EBF1: variants seen among roughly 807,000 people sequenced by gnomAD.
EBF1 encodes the protein EBF transcription factor 1.
A neutral mutation model predicts 68.4 loss-of-function variants in EBF1; 10 were observed. That is an observed-to-expected ratio of 0.15 (90% CI 0.09 to 0.25). The LOEUF is 0.25. EBF1 is among the 10% of genes least tolerant of loss of function. The pLI is 1.00. For missense variants in EBF1, 509 were observed against 794.4 expected, an observed-to-expected ratio of 0.64 and a Z score of 4.32; for synonymous variants, 298 against 299.8, an observed-to-expected ratio of 0.99 and a Z score of 0.06.
At chr5:158,820,704 T>C (rs1784654079) in intron 8 of EBF1, among the ~76,000 whole-genome samples, 1 of 152,190 alleles carries the variant, frequency 6.6e-6, no homozygotes, top group Non-Finnish European at 1.5e-5. Flanking sequence ...AATGTCACCA[T>C]TTTTTGAAAA....
rs573515331 is a variant in EBF1, at chr5:158,748,758, C to T, written c.1037-17601G>A. Among the ~76,000 whole-genome samples, 10 of 152,246 alleles carry T rather than the reference C, an allele frequency of 6.6e-5. No individual in the cohort carries two copies. In the South Asian group the frequency reaches 8.3e-4, roughly 13 times the overall value. On this transcript the variant is annotated intron_variant, in intron 10 of 15. Coordinates refer to ENST00000313708, the MANE Select transcript of EBF1 (RefSeq NM_024007.5). ...AATTGACGTCCTCCCATCACTGCTC[C>T]GAGTCAGTGGCAAAGGAATCACAAA...
intron 6 of EBF1, among the ~76,000 whole-genome samples, chr5:158,921,401 A>C (rs1808405313): frequency 6.6e-6 from 1 of 152,244 alleles, no homozygotes; most frequent in Non-Finnish European, 1.5e-5. Flanking sequence ...ACTGAAAATA[A>C]TTAATGCCCT....
intron 10 of EBF1, among the ~76,000 whole-genome samples, chr5:158,762,016 G>A (rs556493872): frequency 2.0e-5 from 3 of 152,124 alleles, no homozygotes; most frequent in Non-Finnish European, 4.4e-5. Flanking sequence ...AAAATGGGGA[G>A]TACTTTATTC....
At chr5:159,073,257 C>G in intron 6 of EBF1, 139 bp downstream of exon 6, 1 of 767,568 alleles carries the variant, frequency 1.3e-6, no homozygotes, top group Non-Finnish European at 2.1e-6. Context: ...GAATCAAAAT[C>G]GCTCAGCACA....
intron 8 of EBF1, among the ~76,000 whole-genome samples, chr5:158,797,373 G>A (rs1779780417): frequency 6.6e-6 from 1 of 152,070 alleles, no homozygotes; most frequent in Admixed American, 6.5e-5. Flanking sequence ...TGCCACTGAG[G>A]GTTTTTAACT....
At chr5:158,709,909 T>G (rs1281476913) in intron 14 of EBF1, among the ~76,000 whole-genome samples, 1 of 152,136 alleles carries the variant, frequency 6.6e-6, no homozygotes, top group East Asian at 1.9e-4. Flanking sequence ...GCAAATGTGA[T>G]CATTATGTGT....
intron 6 of EBF1, among the ~76,000 whole-genome samples, chr5:158,903,484 G>C (rs1803889735): frequency 6.6e-6 from 1 of 152,152 alleles, no homozygotes; most frequent in African/African-American, 2.4e-5. Context: ...GGCACCAGCA[G>C]TGGGGTGCCC....
At chr5:159,022,244 A>C (rs1471212339) in intron 6 of EBF1, among the ~76,000 whole-genome samples, 1 of 152,208 alleles carries the variant, frequency 6.6e-6, no homozygotes, top group African/African-American at 2.4e-5. Flanking sequence ...CACACAGCAT[A>C]ATTAAAGCTT....
chr5:158,722,057 A>C (rs915803247), intron 11 of EBF1, among the ~76,000 whole-genome samples: 46 of 152,228 alleles, frequency 3.0e-4, no homozygotes, highest in African/African-American at 1.1e-3. Flanking sequence ...ACAGAGCTGA[A>C]CTTGGTAACC....
At chr5:158,964,580 T>A (rs1190559489) in intron 6 of EBF1, among the ~76,000 whole-genome samples, 1 of 152,130 alleles carries the variant, frequency 6.6e-6, no homozygotes, top group Non-Finnish European at 1.5e-5. Context: ...GAATTGATAA[T>A]GACAGTCTGT....
At chr5:158,741,709 T>C (rs543271477) in intron 10 of EBF1, among the ~76,000 whole-genome samples, 5 of 152,196 alleles carry the variant, frequency 3.3e-5, no homozygotes, top group Non-Finnish European at 5.9e-5. Context: ...TAGCATCCCA[T>C]TAAGTTTGTA....
intron 6 of EBF1, among the ~76,000 whole-genome samples, chr5:158,940,778 C>CCCCCCCCCCCCCCCCCCCCCCCA (rs1813167074): frequency 1.8e-5 from 1 of 54,802 alleles, no homozygotes; most frequent in Non-Finnish European, 6.1e-5. Flanking sequence ...CCCCCCCCCC[C>CCCCCCCCCCCCCCCCCCCCCCCA]CGCAGGTCAA....
chr5:158,848,684 G>T (rs957866513), intron 6 of EBF1, among the ~76,000 whole-genome samples: 1 of 152,234 alleles, frequency 6.6e-6, no homozygotes, highest in African/African-American at 2.4e-5. Flanking sequence ...CATGCAGACA[G>T]AAAGCCAGGG....
At chr5:159,096,132 C>T (rs1782564203) in intron 3 of EBF1, 2 of 597,482 alleles carry the variant, frequency 3.3e-6, no homozygotes, top group South Asian at 2.1e-5. Flanking sequence ...ACACCTGGCC[C>T]CAGGTAAACG....
chr5:158,756,823 G>T (rs920469009), intron 10 of EBF1, among the ~76,000 whole-genome samples: 11 of 152,048 alleles, frequency 7.2e-5, no homozygotes, highest in African/African-American at 2.2e-4. Context: ...GCCACGGTTT[G>T]TGTGTGCCTA....
intron 6 of EBF1, among the ~76,000 whole-genome samples, chr5:158,870,497 A>T (rs1415521396): frequency 6.6e-6 from 1 of 152,132 alleles, no homozygotes; most frequent in Non-Finnish European, 1.5e-5. Flanking sequence ...CAGCCTGGGC[A>T]ACATGGCAAA....
chr5:158,753,175 A>C (rs1769302314), intron 10 of EBF1, among the ~76,000 whole-genome samples: 1 of 152,094 alleles, frequency 6.6e-6, no homozygotes, highest in South Asian at 2.1e-4. Flanking sequence ...TAATTGAGCT[A>C]GTCTTTCTCC....
At chr5:158,827,478 G>A (rs1786440768) in intron 7 of EBF1, among the ~76,000 whole-genome samples, 1 of 152,142 alleles carries the variant, frequency 6.6e-6, no homozygotes, top group Admixed American at 6.5e-5. Context: ...TTACTATTCT[G>A]AAAATAGTCT....
intron 7 of EBF1, among the ~76,000 whole-genome samples, chr5:158,825,297 A>G (rs1785824391): frequency 6.6e-6 from 1 of 152,220 alleles, no homozygotes; most frequent in African/African-American, 2.4e-5. Context: ...TTCTTTTTAG[A>G]GAGACGACTT....
Sources: allele counts gnomAD v4.1 joint callset (sites outside exome capture counted in the v4.1 genomes callset), GRCh38; gene constraint gnomAD v4.1.1; transcripts MANE v1.5; gene names NCBI Gene and HGNC (gene_info 2026-07-23, HGNC 2026-07-21).